Variants in PDZD7 observed in about 807,000 individuals in gnomAD.
PDZD7 encodes PDZ domain-containing protein 7.
A neutral mutation model predicts 84.7 loss-of-function variants in PDZD7; 72 were observed. The observed-to-expected ratio is 0.85, with a 90% CI of 0.70 to 1.03. The LOEUF is 1.03. Ranked by LOEUF, PDZD7 falls within the 50% of genes least tolerant of loss-of-function variation. PDZD7 has a pLI of 0.00. For missense variants in PDZD7, 1,490 were observed against 1,412.9 expected (o/e 1.05, Z -0.87); for synonymous variants, 594 against 580.7 (o/e 1.02, Z -0.33).
intron 9 of PDZD7, chr10:101,017,725 G>T (rs1852703967): frequency 7.8e-6 from 5 of 642,944 alleles, no homozygotes; most frequent in Middle Eastern, 3.8e-4. Context: ...GGCGCAGGTC[G>T]CAGTGAGCTG....
rs765289551 is a variant in PDZD7, at chr10:101,018,252, C to T, written c.1369G>A (p.Glu457Lys). The T allele has an allele frequency of 1.1e-5, 17 of 1,614,088 alleles. No homozygotes were observed. The highest frequency in any genetic ancestry group is 1.4e-5 in the Non-Finnish European group (17 of 1,180,036). Reference sequence around the variant, plus strand: ...TTGGAGCGCTGCAGGGCACCCTTCTCCCCAGGGGACCCCGACTTCTCCTTC... The same window carrying T: ...TTGGAGCGCTGCAGGGCACCCTTCTTCCCAGGGGACCCCGACTTCTCCTTC... ...RKKEKSGSPG[E>K]KGALQRSKTL... Residue 457 changes from glutamate (E) to lysine (K), a missense_variant, in exon 9 of 17, where the codon GAG becomes AAG. Coordinates refer to ENST00000619208, the MANE Select transcript of PDZD7 (RefSeq NM_001195263.2).
chr10:101,008,295 G>T lies in PDZD7; in HGVS notation c.*172C>A. ...CCTTGTCCTTGGACACTAAGGCAGA[G>T]CCTTAATGACAGCTGAGGAGGGAAG... On this transcript the variant is annotated 3_prime_UTR_variant, in exon 17 of 17. Coordinates refer to ENST00000619208, the MANE Select transcript of PDZD7 (RefSeq NM_001195263.2). 1 of 736,908 alleles carries T rather than the reference G, an allele frequency of 1.4e-6. No individual in the cohort carries two copies. Among genetic ancestry groups the T allele is most frequent in the Non-Finnish European group, 2.2e-6 (1 of 465,106 alleles). 45.6% of individuals were successfully genotyped at this position (736,908 alleles called of 1,614,324 possible). A position where few individuals can be genotyped will look rare whatever the true frequency, so the allele number is the denominator to read the frequency against.
In PDZD7 at chr10:101,019,036, C is replaced by T; in HGVS notation, c.1110G>A (p.Met370Ile). 6.4e-7 allele frequency: 1 copy of T among 1,574,042 alleles called. No homozygotes were observed. Among genetic ancestry groups the T allele is most frequent in the South Asian group, 1.2e-5 (1 of 86,724 alleles). The change falls in exon 8 of 17, where the codon ATG (methionine) becomes ATA (isoleucine). Residue 370 changes from methionine (M) to isoleucine (I), a missense_variant. Coordinates refer to ENST00000619208, the MANE Select transcript of PDZD7 (RefSeq NM_001195263.2). ...GGCCTCCCGCATCGGGCTCCGTCTG[C>T]ATGGCTGTGTCCGCCCGCCCCCAGC... ...GPGWGRADTA[M>I]QTEPDAGGRV... is the part of the protein sequence containing the mutation.
intron 2 of PDZD7, among the ~76,000 whole-genome samples, chr10:101,026,500 C>T (rs945776937): frequency 6.7e-6 from 1 of 148,334 alleles, no homozygotes; most frequent in Non-Finnish European, 1.5e-5. Flanking sequence ...AGGGGGGGCA[C>T]TGATGAGGGG....
At chr10:101,019,542 G>GCCTCCACCTCCTCCT (rs1852934618) in intron 7 of PDZD7, among the ~76,000 whole-genome samples, 1 of 89,240 alleles carries the variant, frequency 1.1e-5, no homozygotes, top group African/African-American at 2.9e-5. Context: ...TTCTGCTTCT[G>GCCTCCACCTCCTCCT]CCTCCTCCTC....
chr10:101,008,331 G>A lies in PDZD7; in HGVS notation c.*136C>T. The A allele has an allele frequency of 1.1e-6, 1 of 908,858 alleles. No individual in the cohort carries two copies. Among genetic ancestry groups the A allele is most frequent in the Non-Finnish European group, 1.6e-6 (1 of 618,444 alleles). 56.3% of individuals were successfully genotyped at this position (908,858 alleles called of 1,614,324 possible). The stretch of plus-strand genomic sequence containing the variant: ...AGCTGAGGAGGGAAGAAAGTGGAAA[G>A]ATGTGAGCCACCAGTGTGGCACTGG... On this transcript the variant is annotated 3_prime_UTR_variant, in exon 17 of 17. Transcript: ENST00000619208.
At position 101,010,262 on chromosome 10, in the gene PDZD7, G is replaced by A. The variant is rs1280131344; in HGVS notation, c.2617+10C>T. ...TGTCCTCTGCCGGGCCCAGTCCCAC[G>A]TGGACTCACCTAAGGACTGCTTCAT... On this transcript the variant is annotated intron_variant, in intron 15 of 16. Transcript: ENST00000619208. The A allele has an allele frequency of 1.3e-6, 2 of 1,511,922 alleles. No individual in the cohort carries two copies. The highest frequency in any genetic ancestry group is 2.5e-5 in the East Asian group (1 of 40,182). The allele number at this position is 1,511,922 out of a possible 1,614,324, so 93.7% of individuals were successfully genotyped here.
intron 8 of PDZD7, among the ~76,000 whole-genome samples, chr10:101,018,532 G>C (rs950594827): frequency 1.3e-5 from 2 of 152,196 alleles, no homozygotes; most frequent in African/African-American, 2.4e-5. Flanking sequence ...GCACACATGC[G>C]TGCGTGTGTT....
At chr10:101,015,501 G>T in intron 11 of PDZD7, 135 bp downstream of exon 11, 1 of 977,144 alleles carries the variant, frequency 1.0e-6, no homozygotes, top group African/African-American at 1.6e-5. Flanking sequence ...TGACAGGAGT[G>T]ACTTCTGATT....
intron 16 of PDZD7, 34 bp from the exon 17 acceptor site, chr10:101,008,884 C>T (rs1365019437): frequency 6.8e-6 from 10 of 1,460,604 alleles, no homozygotes; most frequent in Non-Finnish European, 9.0e-6. Context: ...ATCCCTCCCT[C>T]CTCATGTCAC....
In PDZD7 at chr10:101,008,774, C is replaced by A; in HGVS notation, c.2795G>T (p.Arg932Leu). ...VTHQRAVDTI[R>L]RAYRNKAREP... ...CCGGGCCTTGTTTCGATAAGCCCGA[C>A]GGATGGTGTCTACTGCACGCTGGTG... is the stretch of plus-strand genomic sequence containing the variant. The change falls in exon 17 of 17, where the codon CGT (arginine) becomes CTT (leucine). Residue 932 changes from arginine (R) to leucine (L), a missense_variant. Arg to Leu is a moderately radical substitution (Grantham distance 102). Coordinates refer to ENST00000619208, the MANE Select transcript of PDZD7 (RefSeq NM_001195263.2). 6.5e-7 allele frequency: 1 copy of A among 1,535,368 alleles called. No homozygotes were observed. The highest frequency in any genetic ancestry group is 8.7e-7 in the Non-Finnish European group (1 of 1,146,382).
At position 101,012,108 on chromosome 10, in the gene PDZD7, G is replaced by A. The variant is rs1161571663; in HGVS notation, c.1841+59C>T. The A allele has an allele frequency of 1.4e-5, 22 of 1,540,734 alleles. No homozygotes were observed. The Admixed American group carries it at 3.5e-4, about 25-fold the overall frequency. On this transcript the variant is annotated intron_variant, in intron 12 of 16. Transcript: ENST00000619208. ...GATGCCCTTCAGCCCTCGGGAGGTT[G>A]GGGGTGGTACCAGGGATCCCCTTCC...
At chr10:101,015,519 C>T in intron 11 of PDZD7, 117 bp downstream of exon 11, 1 of 1,238,790 alleles carries the variant, frequency 8.1e-7, no homozygotes, top group Non-Finnish European at 1.1e-6. Flanking sequence ...ATTTTACTGA[C>T]CACTAGCCTC....
At chr10:101,013,575 G>T (rs183987554) in intron 11 of PDZD7, among the ~76,000 whole-genome samples, 3 of 152,334 alleles carry the variant, frequency 2.0e-5, no homozygotes, top group African/African-American at 7.2e-5. Flanking sequence ...AGTAGATAGT[G>T]GTTTAAACGT....
intron 4 of PDZD7, among the ~76,000 whole-genome samples, chr10:101,022,930 G>C (rs966504872): frequency 6.6e-6 from 1 of 151,944 alleles, no homozygotes; most frequent in African/African-American, 2.4e-5. Flanking sequence ...GCTCCACCAC[G>C]CTCGGTTAAT....
chr10:101,008,401 G>A lies in PDZD7; in HGVS notation c.*66C>T, dbSNP rs1234781229. The A allele has an allele frequency of 4.2e-6, 6 of 1,419,086 alleles. No individual in the cohort carries two copies. The East Asian group carries it at 1.5e-4, about 35-fold the overall frequency. The allele number at this position is 1,419,086 out of a possible 1,614,324, so 87.9% of individuals were successfully genotyped here. ...GAGCTGGAGAGTCCTGAAGAAGTTG[G>A]TAGGAGAGGTCCTGGGGATAACGGG... On this transcript the variant is annotated 3_prime_UTR_variant, in exon 17 of 17. Transcript: ENST00000619208.
intron 2 of PDZD7, among the ~76,000 whole-genome samples, chr10:101,026,490 A>AG (rs1309082392): frequency 3.6e-5 from 2 of 55,934 alleles, no homozygotes; most frequent in Admixed American, 4.1e-4. Flanking sequence ...GTGGGGGGTA[A>AG]GGGGGGGCAC....
intron 11 of PDZD7, among the ~76,000 whole-genome samples, chr10:101,013,851 CTTT>C (rs111945530): frequency 3.7e-5 from 5 of 134,654 alleles, no homozygotes; most frequent in Non-Finnish European, 3.2e-5. Context: ...TCTTTTCTTT[CTTT>C]TTTTTTTTTT....
intron 2 of PDZD7, 61 bp from the exon 3 acceptor site, chr10:101,024,129 G>A: frequency 1.2e-6 from 2 of 1,612,762 alleles, no homozygotes; most frequent in South Asian, 1.1e-5. Context: ...GGGCCCCTGG[G>A]TTCCCCAACT....
Sources: allele counts gnomAD v4.1 joint callset (sites outside exome capture counted in the v4.1 genomes callset), GRCh38; gene constraint gnomAD v4.1.1; transcripts MANE v1.5; gene names NCBI Gene and HGNC (gene_info 2026-07-23, HGNC 2026-07-21).